CHD6: variants seen among roughly 807,000 people sequenced by gnomAD.
CHD6 encodes the protein ATP-dependent chromatin remodeler CHD6.
CHD6 carries 50 observed loss-of-function variants against 276.9 expected under a neutral mutation model. That is an observed-to-expected ratio of 0.18 (90% CI 0.14 to 0.23). The LOEUF is 0.23. Ranked by LOEUF, CHD6 falls within the 10% of genes least tolerant of loss-of-function variation. The pLI is 1.00. For missense variants in CHD6, 2,564 were observed against 3,365.8 expected, an observed-to-expected ratio of 0.76 and a Z score of 5.89; for synonymous variants, 1,173 against 1,229.3, an observed-to-expected ratio of 0.95 and a Z score of 0.96.
In CHD6 at chr20:41,423,590, C is replaced by T. The variant is rs371255892; in HGVS notation, c.4457G>A (p.Arg1486His). The T allele has an allele frequency of 1.3e-4, 202 of 1,614,192 alleles. 3 individuals carry two copies. The South Asian group carries it at 1.7e-3, about 14-fold the overall frequency. ...FDWTQFRIIS[R>H]LDKKSDESLE... ...GCTCTCATCCGACTTCTTGTCCAAA[C>T]GGGAAATGATGCGGAACTGTGTCCA... The change falls in exon 30 of 37, where the codon CGT becomes CAT. Residue 1486 changes from arginine (R) to histidine (H), a missense_variant. Physicochemically the swap from Arg to His is conservative, Grantham distance 29. Coordinates refer to ENST00000373233, the MANE Select transcript of CHD6 (RefSeq NM_032221.5).
At chr20:41,465,222 A>G (rs2042893889) in intron 17 of CHD6, among the ~76,000 whole-genome samples, 1 of 152,252 alleles carries the variant, frequency 6.6e-6, no homozygotes, top group Non-Finnish European at 1.5e-5. Context: ...ACTAATTTTT[A>G]GAGATAAATA....
chr20:41,585,536 CAG>C (rs1289219544), intron 1 of CHD6, among the ~76,000 whole-genome samples: 18 of 139,892 alleles, frequency 1.3e-4, no homozygotes, highest in South Asian at 2.2e-4. Context: ...AAAAAAGAAA[CAG>C]AGAATTTGAA....
At chr20:41,606,135 C>T (rs1013220831) in intron 1 of CHD6, among the ~76,000 whole-genome samples, 3 of 152,050 alleles carry the variant, frequency 2.0e-5, no homozygotes, top group East Asian at 3.9e-4. Flanking sequence ...CCCAGCACTT[C>T]GGGAGGCTGA....
chr20:41,420,213 T>C (rs1600813728), intron 31 of CHD6, among the ~76,000 whole-genome samples: 1 of 152,110 alleles, frequency 6.6e-6, no homozygotes, highest in Non-Finnish European at 1.5e-5. Context: ...ACAAACTATT[T>C]CCCCTTAACA....
At chr20:41,577,741 G>C (rs886805712) in intron 1 of CHD6, among the ~76,000 whole-genome samples, 3 of 152,204 alleles carry the variant, frequency 2.0e-5, no homozygotes, top group Non-Finnish European at 2.9e-5. Context: ...GTACACTTCA[G>C]TTATTTTTCT....
At chr20:41,407,888 G>A (rs958119006) in intron 36 of CHD6, among the ~76,000 whole-genome samples, 1 of 152,168 alleles carries the variant, frequency 6.6e-6, no homozygotes, top group Non-Finnish European at 1.5e-5. Context: ...GGCTTCAGCA[G>A]CATCTCAACA....
intron 3 of CHD6, among the ~76,000 whole-genome samples, chr20:41,526,561 A>G (rs552782224): frequency 5.3e-5 from 8 of 152,300 alleles, no homozygotes; most frequent in African/African-American, 1.7e-4. Context: ...TGGTTATATA[A>G]TCAGAAGGCC....
chr20:41,415,662 G>C (rs943274059), intron 33 of CHD6, 24 bp from the exon 34 acceptor site: 11 of 1,529,616 alleles, frequency 7.2e-6, no homozygotes, highest in Non-Finnish European at 7.9e-6. Flanking sequence ...AACAGCAAGA[G>C]AGGTCTGAAT....
In CHD6 at chr20:41,415,435, T is replaced by C. The variant is rs1249888653; in HGVS notation, c.6690A>G (p.Thr2230=). 12 of 1,612,504 alleles carry C rather than the reference T, an allele frequency of 7.4e-6. No homozygotes were observed. In the East Asian group the frequency reaches 2.2e-4, roughly 30 times the overall value. The part of the protein sequence containing the change: ...SCSSEGSPGA[T]SPFPVSASTP... ...TGCTGGCGCTCACTGGGAAAGGGGA[T>C]GTGGCTCCTGGGGACCCCTCTGATG... Residue 2230 remains threonine, a synonymous_variant, in exon 34 of 37, where the codon ACA becomes ACG. Coordinates refer to ENST00000373233, the MANE Select transcript of CHD6 (RefSeq NM_032221.5).
chr20:41,586,342 A>G (rs991162460), intron 1 of CHD6, among the ~76,000 whole-genome samples: 1 of 152,160 alleles, frequency 6.6e-6, no homozygotes, highest in Non-Finnish European at 1.5e-5. Context: ...CGAGGTGCCC[A>G]TTGCCACTCC....
chr20:41,437,893 T>C (rs773119134), intron 26 of CHD6, among the ~76,000 whole-genome samples: 6 of 151,450 alleles, frequency 4.0e-5, no homozygotes, highest in Non-Finnish European at 8.8e-5. Context: ...CAAACAGTTA[T>C]CACTTCTACA....
At chr20:41,504,500 C>T (rs1029167921) in intron 5 of CHD6, among the ~76,000 whole-genome samples, 1 of 150,112 alleles carries the variant, frequency 6.7e-6, no homozygotes, top group African/African-American at 2.5e-5. Context: ...ACCTCCACTT[C>T]CCAGGCTCAA....
chr20:41,444,780 C>A (rs1015101479), intron 25 of CHD6, among the ~76,000 whole-genome samples: 1 of 152,094 alleles, frequency 6.6e-6, no homozygotes, highest in Non-Finnish European at 1.5e-5. Flanking sequence ...CTTTAAACAA[C>A]CCCTAGGTAG....
chr20:41,532,954 C>G lies in CHD6; in HGVS notation c.554+96G>C, dbSNP rs1052001635. 7 of 1,368,006 alleles carry G rather than the reference C, an allele frequency of 5.1e-6. No homozygotes were observed. The African/African-American group carries it at 1.0e-4, about 20-fold the overall frequency. The allele number at this position is 1,368,006 out of a possible 1,614,324, so 84.7% of individuals were successfully genotyped here. ...TGTGAAGCTTAGGCCCACAGGAGTG[C>G]AGCAGGGTTATGCCTAGGGGCTTGG... is the stretch of plus-strand genomic sequence containing the variant. On this transcript the variant is annotated intron_variant, in intron 3 of 36. Transcript: ENST00000373233.
chr20:41,553,188 G>T (rs1026343900), intron 1 of CHD6, among the ~76,000 whole-genome samples: 6 of 152,058 alleles, frequency 3.9e-5, no homozygotes, highest in Non-Finnish European at 7.4e-5. Flanking sequence ...CAAAAATAAA[G>T]AAGTTTGGGG....
At chr20:41,477,657 A>T (rs1325773009) in intron 16 of CHD6, among the ~76,000 whole-genome samples, 2 of 152,208 alleles carry the variant, frequency 1.3e-5, no homozygotes, top group African/African-American at 4.8e-5. Flanking sequence ...AAATCCACCA[A>T]AAGAACAGAA....
At chr20:41,592,034 G>C (rs979467188) in intron 1 of CHD6, among the ~76,000 whole-genome samples, 3 of 152,150 alleles carry the variant, frequency 2.0e-5, no homozygotes, top group Non-Finnish European at 4.4e-5. Context: ...AGGAGGCAGA[G>C]CTTGTAGTGA....
In CHD6 at chr20:41,483,518, T is replaced by A. The variant is rs2043342398; in HGVS notation, c.2259A>T (p.Gly753=). The change falls in exon 16 of 37, where the codon GGA becomes GGT. Residue 753 remains glycine (G), a splice_region_variant and synonymous_variant. Coordinates refer to ENST00000373233, the MANE Select transcript of CHD6 (RefSeq NM_032221.5). ...KCCNHPYLIN[G]AEEKILEDFR... ...AATCTTCTAGAATTTTCTCCTCTGCTCCTGAAAAGGAATGGAACAAAACTA... is the reference window on the plus strand; with the variant it reads ...AATCTTCTAGAATTTTCTCCTCTGCACCTGAAAAGGAATGGAACAAAACTA... 2 of 1,608,118 alleles carry A rather than the reference T, an allele frequency of 1.2e-6. No individual in the cohort carries two copies. The highest frequency in any genetic ancestry group is 2.7e-5 in the African/African-American group (2 of 74,732).
intron 12 of CHD6, 150 bp downstream of exon 12, chr20:41,489,628 G>T: frequency 1.1e-6 from 1 of 945,866 alleles, no homozygotes; most frequent in Non-Finnish European, 1.6e-6. Context: ...GAGCTACCAG[G>T]GAGAGCAGGA....
Sources: allele counts gnomAD v4.1 joint callset (sites outside exome capture counted in the v4.1 genomes callset), GRCh38; gene constraint gnomAD v4.1.1; transcripts MANE v1.5; gene names NCBI Gene and HGNC (gene_info 2026-07-23, HGNC 2026-07-21).